Variants in RCAN2 observed in about 807,000 individuals in gnomAD.
The protein encoded by RCAN2 is calcipressin-2.
In RCAN2, 9 loss-of-function variants were observed where a neutral mutation model predicts 23.6. The ratio of observed to expected loss-of-function variants is 0.38; its 90% confidence interval spans 0.23 to 0.67. The LOEUF is 0.67. Among genes scored for constraint, RCAN2 ranks in the 30% least tolerant of loss-of-function variants. RCAN2 has a pLI of 0.51. For missense variants in RCAN2, 273 were observed against 302.3 expected (o/e 0.90, Z 0.72); for synonymous variants, 109 against 115.7 (o/e 0.94, Z 0.37).
intron 1 of RCAN2, among the ~76,000 whole-genome samples, chr6:46,490,447 A>G (rs1402191068): frequency 6.6e-6 from 1 of 152,192 alleles, no homozygotes; most frequent in Non-Finnish European, 1.5e-5. Flanking sequence ...CGAAGAATAA[A>G]TCATTAACTA....
chr6:46,353,341 C>A (rs1030240600), intron 2 of RCAN2, among the ~76,000 whole-genome samples: 5 of 151,764 alleles, frequency 3.3e-5, no homozygotes, highest in African/African-American at 1.2e-4. Flanking sequence ...ATGGGTTTTG[C>A]TTTTTGGGTG....
chr6:46,462,121 G>GAAACCTCCAGTTC (rs1768235411), intron 1 of RCAN2, among the ~76,000 whole-genome samples: 1 of 152,000 alleles, frequency 6.6e-6, no homozygotes, highest in African/African-American at 2.4e-5. Flanking sequence ...TCCAGTGTAT[G>GAAACCTCCAGTTC]AAACCTCCAG....
intron 2 of RCAN2, among the ~76,000 whole-genome samples, chr6:46,428,563 A>G (rs373167888): frequency 3.9e-5 from 6 of 152,236 alleles, no homozygotes; most frequent in Non-Finnish European, 8.8e-5. Flanking sequence ...GAATTTCCAG[A>G]GAAGAATCTC....
At chr6:46,484,952 C>T (rs1052587604) in intron 1 of RCAN2, among the ~76,000 whole-genome samples, 9 of 152,174 alleles carry the variant, frequency 5.9e-5, no homozygotes, top group African/African-American at 1.9e-4. Context: ...ACAGAGGTGA[C>T]ATCTGTATTC....
rs921938906 is a variant in RCAN2, at chr6:46,486,429, T to C, written c.-3+4744A>G. On this transcript the variant is annotated intron_variant, in intron 1 of 4. Transcript: ENST00000371374. The stretch of plus-strand genomic sequence containing the variant: ...TAGCAGGGAAATGACAGCACCAGGA[T>C]TGAGATCCAGGCTTTTTCATGCCAA... Among the ~76,000 whole-genome samples, 4 of 152,294 alleles carry C rather than the reference T, an allele frequency of 2.6e-5. No homozygotes were observed. The East Asian group carries it at 7.7e-4, about 29-fold the overall frequency.
intron 2 of RCAN2, among the ~76,000 whole-genome samples, chr6:46,321,626 C>G (rs937402587): frequency 1.1e-4 from 16 of 152,206 alleles, no homozygotes; most frequent in Admixed American, 2.6e-4. Flanking sequence ...TTCTTCTGTG[C>G]AGGAAGCCAC....
chr6:46,430,932 A>T (rs1767180465), intron 2 of RCAN2, among the ~76,000 whole-genome samples: 1 of 152,242 alleles, frequency 6.6e-6, no homozygotes, highest in Non-Finnish European at 1.5e-5. Flanking sequence ...TTGCGTAGAG[A>T]ACCCCAGATG....
intron 2 of RCAN2, among the ~76,000 whole-genome samples, chr6:46,402,751 C>T (rs1036111554): frequency 6.6e-6 from 1 of 152,174 alleles, no homozygotes; most frequent in Non-Finnish European, 1.5e-5. Flanking sequence ...TTCTACACAG[C>T]TGGCCATACT....
chr6:46,433,441 C>G (rs1187810407), intron 2 of RCAN2, among the ~76,000 whole-genome samples: 1 of 152,146 alleles, frequency 6.6e-6, no homozygotes, highest in African/African-American at 2.4e-5. Context: ...ACATTAAGGA[C>G]TTTAAAATGA....
chr6:46,433,095 TAAC>T (rs1249680113), intron 2 of RCAN2, among the ~76,000 whole-genome samples: 2 of 152,304 alleles, frequency 1.3e-5, no homozygotes, highest in South Asian at 2.1e-4. Context: ...GAAATTATGT[TAAC>T]AACAATAATA....
chr6:46,488,026 C>T (rs2150450969), intron 1 of RCAN2, among the ~76,000 whole-genome samples: 1 of 152,318 alleles, frequency 6.6e-6, no homozygotes, highest in Middle Eastern at 3.4e-3. Context: ...ACTTTGCAAA[C>T]ATCACACAGC....
intron 2 of RCAN2, among the ~76,000 whole-genome samples, chr6:46,260,630 T>G (rs1030501648): frequency 6.6e-6 from 1 of 152,046 alleles, no homozygotes; most frequent in Non-Finnish European, 1.5e-5. Context: ...TTTGGGTGAG[T>G]GGGACCCTCT....
intron 2 of RCAN2, among the ~76,000 whole-genome samples, chr6:46,346,512 A>C (rs1314312381): frequency 1.3e-5 from 2 of 152,190 alleles, no homozygotes; most frequent in African/African-American, 4.8e-5. Context: ...TGCTAATAAA[A>C]TATATGTCTA....
In RCAN2 at chr6:46,456,885, A is replaced by G; in HGVS notation, c.92T>C (p.Ile31Thr). Residue 31 changes from isoleucine (I) to threonine (T), a missense_variant, in exon 2 of 5, where the codon ATA (isoleucine) becomes ACA (threonine). Coordinates refer to ENST00000371374, the MANE Select transcript of RCAN2 (RefSeq NM_001251974.2). ...ACGAGTGACAGCCCAGTCCCTGTCT[A>G]TGCAGCACAGTAAGAAAAGTCCTCC... is the stretch of plus-strand genomic sequence containing the variant. ...EDGGLFLLCC[I>T]DRDWAVTRCF... is the part of the protein sequence containing the mutation. 2 of 1,550,662 alleles carry G rather than the reference A, an allele frequency of 1.3e-6. No individual in the cohort carries two copies. The highest frequency in any genetic ancestry group is 1.2e-5 in the South Asian group (1 of 84,054).
chr6:46,373,331 C>G (rs1765372226), intron 2 of RCAN2, among the ~76,000 whole-genome samples: 1 of 152,124 alleles, frequency 6.6e-6, no homozygotes, highest in South Asian at 2.1e-4. Flanking sequence ...GTGGCGCAAT[C>G]TTGGCTCACT....
intron 2 of RCAN2, among the ~76,000 whole-genome samples, chr6:46,272,408 T>G (rs1360758186): frequency 6.6e-6 from 1 of 152,200 alleles, no homozygotes; most frequent in Non-Finnish European, 1.5e-5. Context: ...AACAAGTTAT[T>G]GTGCTTCTTT....
intron 1 of RCAN2, among the ~76,000 whole-genome samples, chr6:46,462,158 C>T (rs1349111487): frequency 6.6e-6 from 1 of 152,220 alleles, no homozygotes; most frequent in South Asian, 2.1e-4. Context: ...CATATCATTA[C>T]AATGAGAAAC....
chr6:46,248,753 T>G lies in RCAN2; in HGVS notation c.369A>C (p.Arg123Ser). ...CAAAGTAGAGCTTTAATTTTTTCCC[T>G]CTGAATTGGGTTTCATGAAGCTCTA... Reference protein sequence around the residue: ...ARIELHETQFRGKKLKLYFAQ... With the variant: ...ARIELHETQFSGKKLKLYFAQ... The change falls in exon 3 of 5, where the codon AGA (arginine) becomes AGC (serine). Residue 123 changes from arginine (R) to serine (S), a missense_variant. Transcript: ENST00000371374. 1.9e-6 allele frequency: 3 copies of G among 1,611,356 alleles called. No homozygotes were observed. The highest frequency in any genetic ancestry group is 2.5e-6 in the Non-Finnish European group (3 of 1,179,114).
intron 2 of RCAN2, among the ~76,000 whole-genome samples, chr6:46,323,380 C>A (rs1227521087): frequency 6.9e-5 from 10 of 145,530 alleles, no homozygotes; most frequent in African/African-American, 2.2e-4. Flanking sequence ...ATTAGGTAAC[C>A]TTTCTAAAAA....
Sources: allele counts gnomAD v4.1 joint callset (sites outside exome capture counted in the v4.1 genomes callset), GRCh38; gene constraint gnomAD v4.1.1; transcripts MANE v1.5; gene names NCBI Gene and HGNC (gene_info 2026-07-23, HGNC 2026-07-21).